The following PLPPR1 variants were observed in gnomAD, a reference collection of about 807,000 sequenced individuals.
PLPPR1 encodes phospholipid phosphatase-related protein type 1.
In PLPPR1, 10 loss-of-function variants were observed where a neutral mutation model predicts 33.1. The observed-to-expected ratio is 0.30, with a 90% confidence interval of 0.19 to 0.51. The LOEUF is 0.51. PLPPR1 is among the 20% of genes least tolerant of loss of function. The pLI is 0.97. For synonymous variants in PLPPR1, 151 were observed against 151.0 expected (o/e 1.00, Z 0.00); for missense variants, 304 against 408.1 (o/e 0.74, Z 2.20).
intron 2 of PLPPR1, among the ~76,000 whole-genome samples, chr9:101,247,423 C>A (rs1827631580): frequency 6.6e-6 from 1 of 151,972 alleles, no homozygotes; most frequent in Admixed American, 6.6e-5. Flanking sequence ...GCACAGCCAC[C>A]ATAGAAAAAG....
intron 1 of PLPPR1, among the ~76,000 whole-genome samples, chr9:101,062,661 GAAAGGCAACTA>G (rs1338167925): frequency 6.6e-6 from 1 of 152,024 alleles, no homozygotes; most frequent in Non-Finnish European, 1.5e-5. Flanking sequence ...ATGTAGAGAG[GAAAGGCAACTA>G]AAATTACCTG....
intron 2 of PLPPR1, among the ~76,000 whole-genome samples, chr9:101,192,227 G>A (rs998986568): frequency 3.9e-5 from 6 of 152,154 alleles, no homozygotes; most frequent in Non-Finnish European, 7.3e-5. Context: ...CAGCAGTGCT[G>A]ACTGCCCTGT....
intron 1 of PLPPR1, among the ~76,000 whole-genome samples, chr9:101,062,859 C>G (rs1830363568): frequency 6.6e-6 from 1 of 152,048 alleles, no homozygotes; most frequent in South Asian, 2.1e-4. Flanking sequence ...CTGGGTCATT[C>G]ATTTATCATT....
intron 4 of PLPPR1, 104 bp downstream of exon 4, chr9:101,286,340 G>A (rs1828395059): frequency 9.3e-7 from 1 of 1,079,678 alleles, no homozygotes; most frequent in African/African-American, 1.6e-5. Context: ...TTAAAAGCAA[G>A]GGCTGCTTTG....
rs574282336 is a variant in PLPPR1, at chr9:101,096,249, T to G, written c.-46+67147T>G. On this transcript the variant is annotated intron_variant, in intron 1 of 7. Coordinates refer to ENST00000374874, the MANE Select transcript of PLPPR1 (RefSeq NM_207299.2). ...GCATCAGGAAAGGGCCTGGGGGCCA[T>G]AGAGGACCAAGTATACCTTTCAGAA... 2.0e-5 allele frequency among the ~76,000 whole-genome samples: 3 copies of G among 152,156 alleles called. No homozygotes were observed. The South Asian group carries it at 6.2e-4, about 32-fold the overall frequency.
chr9:101,129,104 G>A (rs1331229912), intron 1 of PLPPR1, among the ~76,000 whole-genome samples: 2 of 151,890 alleles, frequency 1.3e-5, no homozygotes, highest in South Asian at 2.1e-4. Flanking sequence ...AACCATATAG[G>A]GTAGAGTTCC....
At chr9:101,290,150 T>C (rs1355460182) in intron 4 of PLPPR1, among the ~76,000 whole-genome samples, 1 of 152,228 alleles carries the variant, frequency 6.6e-6, no homozygotes, top group Non-Finnish European at 1.5e-5. Flanking sequence ...AAATGTTTTC[T>C]TTGGAAAAAA....
Position 101,312,953 on chromosome 9 carries a change from C to T in PLPPR1, c.792C>T (p.Gly264=), listed in dbSNP as rs1470165112. The change falls in exon 6 of 8, where the codon GGC becomes GGT. Residue 264 remains glycine, a synonymous_variant. Transcript: ENST00000374874. The part of the protein sequence containing the change: ...CSDVIAGFIL[G]TAVALFLGMC... ...ACGTGATTGCTGGTTTCATCCTGGGCACTGCAGTGGCCCTGTTTCTGGTAG... is the reference window on the plus strand; with the variant it reads ...ACGTGATTGCTGGTTTCATCCTGGGTACTGCAGTGGCCCTGTTTCTGGTAG... 1 of 1,614,126 alleles carries T rather than the reference C, an allele frequency of 6.2e-7. No homozygotes were observed. Among genetic ancestry groups the T allele is most frequent in the Admixed American group, 1.7e-5 (1 of 60,024 alleles).
rs540596674 is a variant in PLPPR1, at chr9:101,313,745, TGAA to T, written c.813+773_813+775del. ...TTTGCCTTCTCTTTCACGGTTGTATTGAAGTATAATAGGTATACAATAAATGAC... is the reference window on the plus strand; with the variant it reads ...TTTGCCTTCTCTTTCACGGTTGTATTGTATAATAGGTATACAATAAATGAC... On this transcript the variant is annotated intron_variant, in intron 6 of 7. Transcript: ENST00000374874. Among the ~76,000 whole-genome samples, 13 of 152,296 alleles carry T rather than the reference TGAA, an allele frequency of 8.5e-5. No homozygotes were observed. In the South Asian group the frequency reaches 2.7e-3, roughly 32 times the overall value.
At chr9:101,300,386 C>T (rs1229474791) in intron 4 of PLPPR1, among the ~76,000 whole-genome samples, 1 of 152,090 alleles carries the variant, frequency 6.6e-6, no homozygotes, top group Admixed American at 6.5e-5. Context: ...CCTATGTTGC[C>T]GAGGTTGGTC....
intron 2 of PLPPR1, among the ~76,000 whole-genome samples, chr9:101,242,181 T>C (rs1827483853): frequency 6.6e-6 from 1 of 151,940 alleles, no homozygotes; most frequent in African/African-American, 2.4e-5. Context: ...GTGAGTGACT[T>C]TGGAGTGTGG....
intron 1 of PLPPR1, among the ~76,000 whole-genome samples, chr9:101,041,768 T>A (rs1830080428): frequency 6.6e-6 from 1 of 152,106 alleles, no homozygotes; most frequent in South Asian, 2.1e-4. Flanking sequence ...CTGAAAAACA[T>A]AAGTCTGAGT....
chr9:101,073,686 G>A (rs495837), intron 1 of PLPPR1, among the ~76,000 whole-genome samples: 91,997 of 151,858 alleles, frequency 0.61, 27,842 homozygotes, highest in East Asian at 0.62. Flanking sequence ...ATATTCTCTG[G>A]TTAAAATCCT....
chr9:101,150,788 G>A (rs905635383), intron 1 of PLPPR1, among the ~76,000 whole-genome samples: 4 of 152,038 alleles, frequency 2.6e-5, no homozygotes, highest in African/African-American at 9.7e-5. Context: ...GCTCCCTGCT[G>A]ATCTGTCAGG....
chr9:101,073,209 T>G (rs1280171631), intron 1 of PLPPR1, among the ~76,000 whole-genome samples: 2 of 152,186 alleles, frequency 1.3e-5, no homozygotes, highest in Non-Finnish European at 2.9e-5. Context: ...TCAAAGGAAC[T>G]TCCAACTGAA....
chr9:101,285,966 G>A lies in PLPPR1; in HGVS notation c.253-138G>A, dbSNP rs1015619847. 17 of 604,592 alleles carry A rather than the reference G, an allele frequency of 2.8e-5. No individual in the cohort carries two copies. The Admixed American group carries it at 3.7e-4, about 13-fold the overall frequency. The allele number at this position is 604,592 out of a possible 1,614,324, so 37.5% of individuals were successfully genotyped here. The stretch of plus-strand genomic sequence containing the variant: ...TTTTGAAGTGTTAAATGCAAATTAC[G>A]ATCTAATTCACCATCTCTCTCCAAC... On this transcript the variant is annotated intron_variant, in intron 3 of 7. Transcript: ENST00000374874.
chr9:101,032,466 C>T (rs1829957704), intron 1 of PLPPR1, among the ~76,000 whole-genome samples: 1 of 152,166 alleles, frequency 6.6e-6, no homozygotes, highest in South Asian at 2.1e-4. Flanking sequence ...GAAGGGCCTT[C>T]CTTCTTCTGT....
At chr9:101,291,308 A>T (rs1479145356) in intron 4 of PLPPR1, among the ~76,000 whole-genome samples, 4 of 152,220 alleles carry the variant, frequency 2.6e-5, no homozygotes, top group African/African-American at 7.2e-5. Flanking sequence ...GGTGGAGCCC[A>T]CCACAGCTCA....
chr9:101,231,857 C>T (rs1827194042), intron 2 of PLPPR1, among the ~76,000 whole-genome samples: 1 of 152,026 alleles, frequency 6.6e-6, no homozygotes, highest in African/African-American at 2.4e-5. Flanking sequence ...TTATGCTAAT[C>T]CATATTGACA....
Sources: gnomAD v4.1 joint callset for allele counts (sites outside exome capture counted in the v4.1 genomes callset) on GRCh38, gnomAD v4.1.1 for gene constraint, MANE v1.5 for transcripts, NCBI Gene and HGNC (gene_info 2026-07-23, HGNC 2026-07-21) for gene names.